The following PUS7L variants were observed in gnomAD, a reference collection of about 807,000 sequenced individuals.
The protein encoded by PUS7L is pseudouridylate synthase PUS7L.
A neutral mutation model predicts 51.1 loss-of-function variants in PUS7L; 49 were observed. That is an observed-to-expected ratio of 0.96 (90% CI 0.76 to 1.22). The LOEUF (loss-of-function observed/expected upper bound fraction) is 1.22, where lower values mean the gene tolerates loss of function less well. Among genes scored for constraint, PUS7L ranks in the 50% most tolerant of loss-of-function variants. The pLI, the probability that PUS7L is intolerant of heterozygous loss-of-function variation, is 0.00. For missense variants in PUS7L, 828 were observed against 820.6 expected (o/e 1.01, Z -0.11); for synonymous variants, 277 against 276.2 (o/e 1.00, Z -0.03).
At chr12:43,756,365 T>A (rs1938700380) in intron 1 of PUS7L, among the ~76,000 whole-genome samples, 1 of 152,198 alleles carries the variant, frequency 6.6e-6, no homozygotes, top group South Asian at 2.1e-4. Flanking sequence ...TTCCCACCCA[T>A]CTACCTTAGG....
At chr12:43,753,119 T>C (rs1034251136) in intron 2 of PUS7L, among the ~76,000 whole-genome samples, 8 of 152,166 alleles carry the variant, frequency 5.3e-5, no homozygotes, top group African/African-American at 1.9e-4. Flanking sequence ...CAATTCCTCT[T>C]TCTACAAGTA....
chr12:43,730,365 G>A lies in PUS7L; in HGVS notation c.*11C>T, dbSNP rs921022017. On this transcript the variant is annotated 3_prime_UTR_variant, in exon 9 of 9. Coordinates refer to ENST00000344862, the MANE Select transcript of PUS7L (RefSeq NM_031292.5). ...AGTGACATATATATGGTTATACCAA[G>A]GGTATCAGTTTTAAACGTCATGCTT... 3 of 1,602,032 alleles carry A rather than the reference G, an allele frequency of 1.9e-6. No homozygotes were observed. The African/African-American group carries it at 4.0e-5, about 21-fold the overall frequency.
In PUS7L at chr12:43,728,014, T is replaced by C. The variant is rs1243652128; in HGVS notation, c.*2362A>G. 3 of 151,298 alleles carry C rather than the reference T, an allele frequency of 2.0e-5. No individual in the cohort carries two copies. The highest frequency in any genetic ancestry group is 7.3e-5 in the African/African-American group (3 of 41,074). 9.4% of individuals were successfully genotyped at this position (151,298 alleles called of 1,614,324 possible). A position where few individuals can be genotyped will look rare whatever the true frequency, so the allele number is the denominator to read the frequency against. On this transcript the variant is annotated 3_prime_UTR_variant, in exon 9 of 9. Coordinates refer to ENST00000344862, the MANE Select transcript of PUS7L (RefSeq NM_031292.5). ...TAAAGGACATCCTTGCAGTTTAAGA[T>C]GACACTTTAAAAATAAATTAACTCC...
At chr12:43,740,523 C>A (rs866994468) in intron 5 of PUS7L, among the ~76,000 whole-genome samples, 1 of 152,086 alleles carries the variant, frequency 6.6e-6, no homozygotes, top group Non-Finnish European at 1.5e-5. Context: ...TTCACTTTTT[C>A]TTGGGGAGTA....
chr12:43,720,752 T>G lies in PUS7L; in HGVS notation c.*9624A>C, dbSNP rs183784691. On this transcript the variant is annotated 3_prime_UTR_variant, in exon 9 of 9. Transcript: ENST00000344862. ...GTTAAAGCTGCCTTTAAGGTTTTTCTTTTTATTATTGATGTTTTGCATATT... is the reference window on the plus strand; with the variant it reads ...GTTAAAGCTGCCTTTAAGGTTTTTCGTTTTATTATTGATGTTTTGCATATT... 6.6e-6 allele frequency: 1 copy of G among 152,234 alleles called. No individual in the cohort carries two copies. Among genetic ancestry groups the G allele is most frequent in the Non-Finnish European group, 1.5e-5 (1 of 68,036 alleles). 9.4% of individuals were successfully genotyped at this position (152,234 alleles called of 1,614,324 possible). A position where few individuals can be genotyped will look rare whatever the true frequency, so the allele number is the denominator to read the frequency against.
Position 43,720,754 on chromosome 12 carries a change from T to G in PUS7L, c.*9622A>C, listed in dbSNP as rs116241024. 1,016 of 152,338 alleles carry G rather than the reference T, an allele frequency of 6.7e-3. 10 individuals carry two copies. The highest frequency in any genetic ancestry group is 0.023 in the African/African-American group (966 of 41,584). 9.4% of individuals were successfully genotyped at this position (152,338 alleles called of 1,614,324 possible). ...TAAAGCTGCCTTTAAGGTTTTTCTT[T>G]TTATTATTGATGTTTTGCATATTCA... On this transcript the variant is annotated 3_prime_UTR_variant, in exon 9 of 9. Transcript: ENST00000344862.
intron 6 of PUS7L, 24 bp from the exon 7 acceptor site, chr12:43,736,685 A>G (rs757939385): frequency 2.1e-5 from 33 of 1,596,330 alleles, no homozygotes; most frequent in Middle Eastern, 1.7e-4. Context: ...TAAATCAGGT[A>G]TAGTTAGCCA....
At chr12:43,742,957 G>C (rs1937977697) in intron 4 of PUS7L, among the ~76,000 whole-genome samples, 1 of 152,110 alleles carries the variant, frequency 6.6e-6, no homozygotes. Flanking sequence ...GAGATGTCGG[G>C]AGTCAAGAAC....
chr12:43,730,561 A>G lies in PUS7L; in HGVS notation c.1921T>C (p.Tyr641His), dbSNP rs778805164. Reference protein sequence around the residue: ...PTLKLNIPGCYRQILKHPCNL... With the variant: ...PTLKLNIPGCHRQILKHPCNL... ...CAGGGATGTTTCAAAATCTGTCTAT[A>G]GCAACCTGGTATATTCAGTTTCAGA... The change falls in exon 9 of 9, where the codon TAT becomes CAT. Residue 641 changes from tyrosine (Y) to histidine (H), a missense_variant. Transcript: ENST00000344862. 6.2e-7 allele frequency: 1 copy of G among 1,613,842 alleles called. No homozygotes were observed. The highest frequency in any genetic ancestry group is 2.2e-5 in the East Asian group (1 of 44,830).
At chr12:43,743,296 A>G (rs1937995186) in intron 4 of PUS7L, among the ~76,000 whole-genome samples, 1 of 152,226 alleles carries the variant, frequency 6.6e-6, no homozygotes, top group East Asian at 1.9e-4. Context: ...AGGCCCAGAC[A>G]GTTTCTTGAA....
Position 43,754,501 on chromosome 12 carries a change from CA to C in PUS7L, c.744del (p.Phe248LeufsTer18). The C allele has an allele frequency of 6.2e-7, 1 of 1,613,716 alleles. No homozygotes were observed. Among genetic ancestry groups the C allele is most frequent in the South Asian group, 1.1e-5 (1 of 91,004 alleles). ...ACAAGGTTTCCAAACTTTTTGTTGA[CA>C]AAATGGTGGACAGCTTTTCTGTGGT... ...NKDHRKAVHHFVNKKFGNLVE... is the reference protein window; with the variant it reads ...NKDHRKAVHHXVNKKFGNLVE... On this transcript the variant is annotated frameshift_variant, in exon 2 of 9. Coordinates refer to ENST00000344862, the MANE Select transcript of PUS7L (RefSeq NM_031292.5). LOFTEE classifies it high-confidence loss of function.
chr12:43,755,928 G>A (rs974524157), intron 1 of PUS7L, among the ~76,000 whole-genome samples: 3 of 152,120 alleles, frequency 2.0e-5, no homozygotes, highest in African/African-American at 7.2e-5. Flanking sequence ...AGAGCTTCCT[G>A]GAAACACTAT....
At chr12:43,736,805 T>C in intron 6 of PUS7L, 144 bp from the exon 7 acceptor site, 1 of 627,594 alleles carries the variant, frequency 1.6e-6, no homozygotes, top group South Asian at 2.7e-5. Flanking sequence ...TAGCTACACT[T>C]GAAGAGCTTT....
chr12:43,736,718 A>G, intron 6 of PUS7L, 57 bp from the exon 7 acceptor site: 1 of 1,512,400 alleles, frequency 6.6e-7, no homozygotes, highest in African/African-American at 1.4e-5. Context: ...GGCCAGTTAT[A>G]AAGGCTTTTG....
chr12:43,746,566 T>G (rs550965788), intron 3 of PUS7L, among the ~76,000 whole-genome samples: 27 of 152,216 alleles, frequency 1.8e-4, no homozygotes, highest in Non-Finnish European at 3.1e-4. Context: ...ACTCTGCTCC[T>G]TTCCTTCTCA....
At chr12:43,749,075 T>C (rs1376330291) in intron 2 of PUS7L, among the ~76,000 whole-genome samples, 1 of 152,198 alleles carries the variant, frequency 6.6e-6, no homozygotes, top group African/African-American at 2.4e-5. Context: ...ATTTCAGCTG[T>C]TATTTTTAAA....
At chr12:43,742,941 T>C (rs74085320) in intron 4 of PUS7L, among the ~76,000 whole-genome samples, 10,968 of 152,244 alleles carry the variant, frequency 0.072, 399 homozygotes, top group Middle Eastern at 0.16. Flanking sequence ...ACTCTTCGGC[T>C]GTCTGGAGAT....
intron 1 of PUS7L, 63 bp from the exon 2 acceptor site, chr12:43,755,324 G>C: frequency 1.0e-6 from 1 of 965,758 alleles, no homozygotes; most frequent in South Asian, 1.9e-5. Flanking sequence ...GACCAAATAG[G>C]AATAGGTTTG....
Position 43,754,810 on chromosome 12 carries a change from C to A in PUS7L, c.436G>T (p.Glu146Ter). Reference protein sequence around the residue: ...LLNNFACDVREKWLSKTELIG... With the variant: ...LLNNFACDVR ...AGCTCTGTTTTAGAAAGCCACTTCT[C>A]TCTTACATCACAGGCAAAATTATTC... The change falls in exon 2 of 9, where the codon GAG becomes TAG. Residue 146 changes from glutamate (E) to a stop codon, truncating the protein, a stop_gained. Transcript: ENST00000344862. LOFTEE classifies it high-confidence loss of function. 6.2e-7 allele frequency: 1 copy of A among 1,613,876 alleles called. No homozygotes were observed. Among genetic ancestry groups the A allele is most frequent in the Non-Finnish European group, 8.5e-7 (1 of 1,179,872 alleles).
Sources: allele counts gnomAD v4.1 joint callset (sites outside exome capture counted in the v4.1 genomes callset), GRCh38; gene constraint gnomAD v4.1.1; transcripts MANE v1.5; gene names NCBI Gene and HGNC (gene_info 2026-07-23, HGNC 2026-07-21).